The following DGKH variants were observed in gnomAD, a reference collection of about 807,000 sequenced individuals.
DGKH encodes the protein diacylglycerol kinase eta, also known as DAG kinase eta.
In DGKH, 90 loss-of-function variants were observed where a neutral mutation model predicts 159.3. The ratio of observed to expected loss-of-function variants is 0.57; its 90% confidence interval spans 0.48 to 0.67. The LOEUF is 0.67. Ranked by LOEUF, DGKH falls within the 30% of genes least tolerant of loss-of-function variation. The pLI is 0.00. For missense variants in DGKH, 1,181 were observed against 1,506.1 expected, an observed-to-expected ratio of 0.78 and a Z score of 3.57; for synonymous variants, 536 against 553.8, an observed-to-expected ratio of 0.97 and a Z score of 0.45.
At chr13:42,189,667 T>C (rs1019200662) in intron 15 of DGKH, among the ~76,000 whole-genome samples, 6 of 152,136 alleles carry the variant, frequency 3.9e-5, no homozygotes, top group African/African-American at 1.4e-4. Context: ...TTTGAAAATA[T>C]AGAAAAAAAA....
chr13:42,214,388 T>C, intron 24 of DGKH, 119 bp from the exon 25 acceptor site: 1 of 837,088 alleles, frequency 1.2e-6, no homozygotes, highest in African/African-American at 1.7e-5. Context: ...TTAAAAGTGT[T>C]CTTCCATACT....
intron 1 of DGKH, among the ~76,000 whole-genome samples, chr13:42,104,991 T>A (rs1181861598): frequency 6.7e-6 from 1 of 149,436 alleles, no homozygotes; most frequent in African/African-American, 2.5e-5. Context: ...ACAACTTGTA[T>A]AGTTGTATCA....
At chr13:42,147,187 A>C (rs1228657507) in intron 3 of DGKH, among the ~76,000 whole-genome samples, 1 of 152,152 alleles carries the variant, frequency 6.6e-6, no homozygotes, top group East Asian at 1.9e-4. Flanking sequence ...TGATGCCTTT[A>C]ATTAAGAGTT....
At chr13:42,088,273 G>A (rs1430918544) in intron 1 of DGKH, among the ~76,000 whole-genome samples, 1 of 152,146 alleles carries the variant, frequency 6.6e-6, no homozygotes, top group Non-Finnish European at 1.5e-5. Context: ...TTTAAAGGAA[G>A]CTATCTAGGC....
At chr13:42,154,065 G>C (rs761250502) in intron 3 of DGKH, 1 of 152,226 alleles carries the variant, frequency 6.6e-6, no homozygotes, top group African/African-American at 2.4e-5. Flanking sequence ...TATTTTCTAA[G>C]ATGAATAGTA....
At position 42,099,146 on chromosome 13, in the gene DGKH, C is replaced by T. The variant is rs561055262; in HGVS notation, c.193-28317C>T. On this transcript the variant is annotated intron_variant, in intron 1 of 29. Coordinates refer to ENST00000337343, the MANE Select transcript of DGKH (RefSeq NM_178009.5). ...ACACTAATTCATAGAGTCAGGTTTG[C>T]GAGTAACCTTAAAGGTGCTCAGTTC... Among the ~76,000 whole-genome samples, 60 of 152,134 alleles carry T rather than the reference C, an allele frequency of 3.9e-4. 1 individual carries two copies. Among genetic ancestry groups the T allele is most frequent in the Non-Finnish European group, 6.6e-4 (45 of 68,018 alleles).
Position 42,060,507 on chromosome 13 carries a change from C to T in DGKH, c.192+11542C>T, listed in dbSNP as rs541414152. ...CATATTTGTGCAGTCTACTCATTCCCGGCCAAATTTTGCTCCACAGCTTTT... is the reference window on the plus strand; with the variant it reads ...CATATTTGTGCAGTCTACTCATTCCTGGCCAAATTTTGCTCCACAGCTTTT... On this transcript the variant is annotated intron_variant, in intron 1 of 29. Transcript: ENST00000337343. Among the ~76,000 whole-genome samples, 11 of 152,246 alleles carry T rather than the reference C, an allele frequency of 7.2e-5. No homozygotes were observed. The South Asian group carries it at 1.5e-3, about 20-fold the overall frequency.
At chr13:42,199,363 C>T (rs989511063) in intron 18 of DGKH, among the ~76,000 whole-genome samples, 8 of 152,124 alleles carry the variant, frequency 5.3e-5, no homozygotes, top group African/African-American at 1.7e-4. Flanking sequence ...ACTCACCATC[C>T]CTTTATGTCA....
At chr13:42,106,915 G>C (rs568690150) in intron 1 of DGKH, among the ~76,000 whole-genome samples, 2 of 152,216 alleles carry the variant, frequency 1.3e-5, no homozygotes, top group East Asian at 3.9e-4. Flanking sequence ...ACAGTGGCAG[G>C]TGCCTGTAAT....
intron 29 of DGKH, among the ~76,000 whole-genome samples, chr13:42,222,620 T>C (rs575096972): frequency 2.0e-5 from 3 of 152,268 alleles, no homozygotes; most frequent in African/African-American, 4.8e-5. Context: ...GATCATGATA[T>C]CCAACATGTT....
At chr13:42,119,774 T>C (rs1955033455) in intron 1 of DGKH, among the ~76,000 whole-genome samples, 1 of 152,232 alleles carries the variant, frequency 6.6e-6, no homozygotes, top group Non-Finnish European at 1.5e-5. Flanking sequence ...TGTTTTGCCA[T>C]GTAATCTGTA....
intron 16 of DGKH, among the ~76,000 whole-genome samples, chr13:42,192,114 T>C (rs1358222916): frequency 1.3e-5 from 2 of 152,208 alleles, no homozygotes; most frequent in Non-Finnish European, 2.9e-5. Flanking sequence ...TTTTTATTGC[T>C]ACTACTGCTG....
At chr13:42,224,776 G>A (rs1958076255) in intron 29 of DGKH, among the ~76,000 whole-genome samples, 1 of 151,974 alleles carries the variant, frequency 6.6e-6, no homozygotes, top group Non-Finnish European at 1.5e-5. Flanking sequence ...CTCTTTTGCT[G>A]TGCTTCTTCC....
chr13:42,096,896 A>G (rs1954550417), intron 1 of DGKH, among the ~76,000 whole-genome samples: 1 of 152,186 alleles, frequency 6.6e-6, no homozygotes, highest in Non-Finnish European at 1.5e-5. Flanking sequence ...CCGTGTCTGA[A>G]GATGGTTCCA....
intron 3 of DGKH, among the ~76,000 whole-genome samples, chr13:42,130,638 C>T (rs1367656698): frequency 6.6e-6 from 1 of 152,128 alleles, no homozygotes; most frequent in African/African-American, 2.4e-5. Context: ...TGTCCATCCC[C>T]TAGGCATGAC....
rs1040507556 is a variant in DGKH at position 42,215,469 on chromosome 13, A to T, written c.3121-106A>T. On this transcript the variant is annotated intron_variant, in intron 25 of 29. Transcript: ENST00000337343. ...GATTATAGAATTTTGGTAGATTAAA[A>T]ATGTGTGCTGTGAATTTAAATTATA... 4 of 856,404 alleles carry T rather than the reference A, an allele frequency of 4.7e-6. No homozygotes were observed. The African/African-American group carries it at 6.7e-5, about 14-fold the overall frequency. 53.1% of individuals were successfully genotyped at this position (856,404 alleles called of 1,614,324 possible). A position where few individuals can be genotyped will look rare whatever the true frequency, so the allele number is the denominator to read the frequency against.
At chr13:42,127,354 C>A in intron 1 of DGKH, 109 bp from the exon 2 acceptor site, 1 of 790,192 alleles carries the variant, frequency 1.3e-6, no homozygotes, top group Non-Finnish European at 2.1e-6. Flanking sequence ...ATTTGTAAGA[C>A]ATGAGAAATA....
At position 42,067,824 on chromosome 13, in the gene DGKH, C is replaced by T. The variant is rs577791578; in HGVS notation, c.192+18859C>T. 1.2e-4 allele frequency among the ~76,000 whole-genome samples: 18 copies of T among 152,090 alleles called. No individual in the cohort carries two copies. The East Asian group carries it at 1.9e-3, about 16-fold the overall frequency. ...TGAAACAAATTCTAAGAGACTGTGA[C>T]GCCACATGCTACATTTAACCTAATT... is the stretch of plus-strand genomic sequence containing the variant. On this transcript the variant is annotated intron_variant, in intron 1 of 29. Coordinates refer to ENST00000337343, the MANE Select transcript of DGKH (RefSeq NM_178009.5).
rs1390191744 is a variant in DGKH at position 42,234,005 on chromosome 13, A to G, written c.*4817A>G. On this transcript the variant is annotated 3_prime_UTR_variant, in exon 30 of 30. Coordinates refer to ENST00000337343, the MANE Select transcript of DGKH (RefSeq NM_178009.5). ...GTTAATCTCATTTAAGCCCTCTAAAAAGGCATGCTTTGCTAGATTTAGATC... is the reference window on the plus strand; with the variant it reads ...GTTAATCTCATTTAAGCCCTCTAAAGAGGCATGCTTTGCTAGATTTAGATC... The G allele has an allele frequency of 6.6e-6, 1 of 152,222 alleles. No homozygotes were observed. The highest frequency in any genetic ancestry group is 2.4e-5 in the African/African-American group (1 of 41,464). 9.4% of individuals were successfully genotyped at this position (152,222 alleles called of 1,614,324 possible).
Sources: gnomAD v4.1 joint callset for allele counts (sites outside exome capture counted in the v4.1 genomes callset) on GRCh38, gnomAD v4.1.1 for gene constraint, MANE v1.5 for transcripts, NCBI Gene and HGNC (gene_info 2026-07-23, HGNC 2026-07-21) for gene names.